The following TRPM3 variants were observed in gnomAD, a reference collection of about 807,000 sequenced individuals.
TRPM3 encodes the protein transient receptor potential cation channel subfamily M member 3, also known as long transient receptor potential channel 3.
TRPM3 carries 77 observed loss-of-function variants against 181.2 expected under a neutral mutation model. The observed-to-expected ratio is 0.42, with a 90% CI of 0.35 to 0.51. The LOEUF (loss-of-function observed/expected upper bound fraction) is 0.51, where lower values mean the gene tolerates loss of function less well. Ranked by LOEUF, TRPM3 falls within the 20% of genes least tolerant of loss-of-function variation. TRPM3 has a pLI of 0.01. For missense variants in TRPM3, 1,759 were observed against 2,196.7 expected, an observed-to-expected ratio of 0.80 and a Z score of 3.98; for synonymous variants, 745 against 796.4, an observed-to-expected ratio of 0.94 and a Z score of 1.09.
At chr9:71,386,799 A>C (rs2092934087) in intron 1 of TRPM3, among the ~76,000 whole-genome samples, 1 of 152,234 alleles carries the variant, frequency 6.6e-6, no homozygotes, top group Non-Finnish European at 1.5e-5. Context: ...AAACCTGAGA[A>C]TAGATTATAA....
intron 1 of TRPM3, among the ~76,000 whole-genome samples, chr9:71,363,140 C>A (rs1472377696): frequency 6.6e-6 from 1 of 152,134 alleles, no homozygotes; most frequent in Non-Finnish European, 1.5e-5. Context: ...TGCAAGTGGG[C>A]TCTGTTGGAA....
chr9:71,012,647 C>A (rs1164213651), intron 1 of TRPM3, among the ~76,000 whole-genome samples: 1 of 151,902 alleles, frequency 6.6e-6, no homozygotes, highest in African/African-American at 2.4e-5. Flanking sequence ...TCATACAGAG[C>A]TGGCACATTT....
At chr9:71,341,806 G>C (rs998227624) in intron 1 of TRPM3, among the ~76,000 whole-genome samples, 1 of 151,916 alleles carries the variant, frequency 6.6e-6, no homozygotes, top group Non-Finnish European at 1.5e-5. Context: ...TTAAAGGGAA[G>C]TGGAGAAAAG....
intron 7 of TRPM3, among the ~76,000 whole-genome samples, chr9:70,773,314 C>T (rs1000910453): frequency 2.6e-5 from 4 of 152,142 alleles, no homozygotes; most frequent in African/African-American, 9.7e-5. Context: ...TAGCAAATTA[C>T]CTAACCTTTC....
intron 1 of TRPM3, among the ~76,000 whole-genome samples, chr9:71,004,292 A>C (rs2097649868): frequency 6.6e-6 from 1 of 152,248 alleles, no homozygotes; most frequent in Non-Finnish European, 1.5e-5. Context: ...CTTGACCTGG[A>C]AACAACCCAA....
intron 1 of TRPM3, among the ~76,000 whole-genome samples, chr9:70,970,329 AC>A (rs2097230148): frequency 1.3e-5 from 2 of 152,180 alleles, no homozygotes; most frequent in South Asian, 4.1e-4. Flanking sequence ...ATTAGACCGC[AC>A]CTGCATCAGA....
At chr9:70,569,410 C>A (rs949658179) in intron 22 of TRPM3, among the ~76,000 whole-genome samples, 1 of 152,246 alleles carries the variant, frequency 6.6e-6, no homozygotes, top group South Asian at 2.1e-4. Flanking sequence ...CTTATACAAG[C>A]AAAGAACAAA....
chr9:71,040,805 C>A (rs2058729333), intron 1 of TRPM3, among the ~76,000 whole-genome samples: 1 of 151,996 alleles, frequency 6.6e-6, no homozygotes, highest in South Asian at 2.1e-4. Context: ...ACTTCTGGGG[C>A]AAAAATGCAT....
intron 1 of TRPM3, among the ~76,000 whole-genome samples, chr9:71,295,987 G>C (rs974367453): frequency 6.6e-6 from 1 of 152,104 alleles, no homozygotes; most frequent in African/African-American, 2.4e-5. Context: ...ATCCTCTCTA[G>C]ATTTTAGGGG....
chr9:70,566,052 C>G (rs1184511342), intron 22 of TRPM3, among the ~76,000 whole-genome samples: 2 of 152,148 alleles, frequency 1.3e-5, no homozygotes, highest in African/African-American at 4.8e-5. Flanking sequence ...TCAAAGATCC[C>G]TGCCCCTAGA....
rs149570359 is a variant in TRPM3, at chr9:70,660,317, G to T, written c.1346-19657C>A. On this transcript the variant is annotated intron_variant, in intron 9 of 25. Coordinates refer to ENST00000677713, the MANE Select transcript of TRPM3 (RefSeq NM_001366145.2). ...TGCTTACTGAGATAAATGCATATCT[G>T]ATTACCTCCTTTGGAGAGGCTAATC... Among the ~76,000 whole-genome samples the T allele has an allele frequency of 2.0e-4, 30 of 152,184 alleles. No homozygotes were observed. The East Asian group carries it at 5.8e-3, about 29-fold the overall frequency.
At chr9:70,663,311 G>A (rs563133801) in intron 9 of TRPM3, among the ~76,000 whole-genome samples, 4 of 152,044 alleles carry the variant, frequency 2.6e-5, no homozygotes, top group African/African-American at 9.7e-5. Context: ...GGTGACGGGT[G>A]CATTAAAATC....
At position 71,121,254 on chromosome 9, in the gene TRPM3, T is replaced by C; in HGVS notation, c.101A>G (p.Asp34Gly). Residue 34 changes from aspartate (D) to glycine (G), a missense_variant, in exon 1 of 26, where the codon GAT becomes GGT. Asp to Gly is a moderately conservative substitution (Grantham distance 94). Coordinates refer to ENST00000677713, the MANE Select transcript of TRPM3 (RefSeq NM_001366145.2). ...GGTCCAGTTTAGGGGTCGAGGAGCA[T>C]CAGCCTGATTCATGACCCCTTCCAA... ...WNLEGVMNQA[D>G]APRPLNWTIR... 6.2e-7 allele frequency: 1 copy of C among 1,614,064 alleles called. No homozygotes were observed. The highest frequency in any genetic ancestry group is 8.5e-7 in the Non-Finnish European group (1 of 1,179,994).
intron 1 of TRPM3, among the ~76,000 whole-genome samples, chr9:71,067,994 A>C (rs1165290102): frequency 6.6e-6 from 1 of 152,202 alleles, no homozygotes. Context: ...TCATGATTTC[A>C]GGGCTTCCAC....
intron 9 of TRPM3, among the ~76,000 whole-genome samples, chr9:70,655,260 C>G (rs569516386): frequency 7.9e-6 from 1 of 126,142 alleles, no homozygotes; most frequent in East Asian, 2.7e-4. Flanking sequence ...GAGCTGAGAT[C>G]ATGCCCCTAA....
rs140713856 is a variant in TRPM3 at position 70,648,569 on chromosome 9, C to T, written c.1346-7909G>A. Among the ~76,000 whole-genome samples the T allele has an allele frequency of 7.2e-3, 1,098 of 152,072 alleles. 2 individuals are homozygous for T. Among genetic ancestry groups the T allele is most frequent in the Non-Finnish European group, 0.01 (690 of 67,982 alleles). On this transcript the variant is annotated intron_variant, in intron 9 of 25. Coordinates refer to ENST00000677713, the MANE Select transcript of TRPM3 (RefSeq NM_001366145.2). ...GCAAAAAGAATAAAGCTGGAGGCAT[C>T]ACACTACCTGACTTCAAACTATACT...
intron 1 of TRPM3, among the ~76,000 whole-genome samples, chr9:71,355,902 A>G (rs2091879053): frequency 6.6e-6 from 1 of 152,216 alleles, no homozygotes; most frequent in South Asian, 2.1e-4. Flanking sequence ...AAAAAAAAAT[A>G]AGATTTTTAT....
At chr9:71,370,196 G>A (rs1028491800) in intron 1 of TRPM3, among the ~76,000 whole-genome samples, 22 of 152,016 alleles carry the variant, frequency 1.4e-4, no homozygotes, top group Non-Finnish European at 2.5e-4. Context: ...ATTGAAATTA[G>A]ACCAACTAAT....
intron 8 of TRPM3, among the ~76,000 whole-genome samples, chr9:70,759,575 A>C (rs1185046384): frequency 6.6e-6 from 1 of 152,224 alleles, no homozygotes; most frequent in Non-Finnish European, 1.5e-5. Flanking sequence ...AAAGACTTGG[A>C]ACCAACCCAA....
Sources: allele counts gnomAD v4.1 joint callset (sites outside exome capture counted in the v4.1 genomes callset), GRCh38; gene constraint gnomAD v4.1.1; transcripts MANE v1.5; gene names NCBI Gene and HGNC (gene_info 2026-07-23, HGNC 2026-07-21).